The following MYO16 variants were observed in gnomAD, a reference collection of about 807,000 sequenced individuals.
MYO16 encodes the protein unconventional myosin-XVI.
Under a neutral mutation model 205.3 loss-of-function variants are expected in MYO16, and 94 were observed. That is an observed-to-expected ratio of 0.46 (90% CI 0.39 to 0.54). The LOEUF (loss-of-function observed/expected upper bound fraction) is 0.54, where lower values mean the gene tolerates loss of function less well. Ranked by LOEUF, MYO16 falls within the 20% of genes least tolerant of loss-of-function variation. The pLI is 0.00. For missense variants in MYO16, 2,315 were observed against 2,387.5 expected (o/e 0.97, Z 0.63); for synonymous variants, 988 against 954.0 (o/e 1.04, Z -0.66).
At chr13:108,761,498 G>T (rs145774373) in intron 4 of MYO16, among the ~76,000 whole-genome samples, 111 of 152,296 alleles carry the variant, frequency 7.3e-4, no homozygotes, top group African/African-American at 2.5e-3. Context: ...TATGCACAGG[G>T]TTTAATAGGT....
the MYO16 span, among the ~76,000 whole-genome samples, chr13:108,519,909 T>A: frequency 6.6e-6 from 1 of 152,180 alleles, no homozygotes; most frequent in South Asian, 2.1e-4. Context: ...ACTTGAATAC[T>A]GTTCGTGTTT....
At chr13:108,748,367 GAA>G (rs770576996) in intron 4 of MYO16, among the ~76,000 whole-genome samples, 5 of 151,936 alleles carry the variant, frequency 3.3e-5, no homozygotes, top group Admixed American at 6.6e-5. Flanking sequence ...AGCTTAGAGA[GAA>G]ATTTATAGCA....
chr13:109,192,773 A>T (rs550368926), intron 34 of MYO16, among the ~76,000 whole-genome samples: 1 of 152,198 alleles, frequency 6.6e-6, no homozygotes, highest in African/African-American at 2.4e-5. Context: ...TCATCCACTC[A>T]TCAGATTCTG....
At chr13:108,516,442 C>G in the MYO16 span, among the ~76,000 whole-genome samples, 14 of 152,134 alleles carry the variant, frequency 9.2e-5, no homozygotes, top group Non-Finnish European at 1.6e-4. Flanking sequence ...TCTTCTGCGT[C>G]GCTCACGCTG....
intron 4 of MYO16, among the ~76,000 whole-genome samples, chr13:108,754,066 C>CTG (rs1566588036): frequency 2.0e-5 from 3 of 152,154 alleles, no homozygotes; most frequent in African/African-American, 7.2e-5. Flanking sequence ...CAGCACTCAG[C>CTG]TATAGCATGC....
chr13:108,595,957 C>T (rs764190204), upstream of MYO16, among the ~76,000 whole-genome samples: 12 of 148,360 alleles, frequency 8.1e-5, no homozygotes, highest in Non-Finnish European at 1.2e-4. Flanking sequence ...CTCCAGCTCT[C>T]CAGTCATAAA....
At chr13:108,553,912 A>C in the MYO16 span, among the ~76,000 whole-genome samples, 1 of 151,996 alleles carries the variant, frequency 6.6e-6, no homozygotes, top group Non-Finnish European at 1.5e-5. Flanking sequence ...AGAAGAGAAA[A>C]GTGTGTTGGA....
At chr13:109,129,071 CTTT>C (rs372300769) in intron 31 of MYO16, among the ~76,000 whole-genome samples, 1 of 128,216 alleles carries the variant, frequency 7.8e-6, no homozygotes. Context: ...TGCGCCAGGC[CTTT>C]TTTTTTTTTT....
chr13:109,184,795 G>A (rs1879615982), intron 34 of MYO16, among the ~76,000 whole-genome samples: 1 of 151,110 alleles, frequency 6.6e-6, no homozygotes, highest in Admixed American at 6.6e-5. Flanking sequence ...AATGGATGGA[G>A]CCTCACTCTG....
At chr13:108,961,682 T>C in intron 18 of MYO16, 26 bp downstream of exon 18, 1 of 1,551,648 alleles carries the variant, frequency 6.4e-7, no homozygotes. Context: ...CCTTCTGACA[T>C]TAACCACATT....
chr13:109,048,192 T>C (rs914451895), intron 24 of MYO16: 10 of 528,674 alleles, frequency 1.9e-5, no homozygotes, highest in Non-Finnish European at 3.2e-5. Context: ...TGTGTGTGTG[T>C]GTGTGTGTGT....
chr13:108,579,301 A>T, the MYO16 span, among the ~76,000 whole-genome samples: 3 of 152,310 alleles, frequency 2.0e-5, no homozygotes, highest in Non-Finnish European at 4.4e-5. Context: ...ACTAAATGAA[A>T]AGCTGTTAGA....
chr13:109,144,164 A>G (rs548831818), intron 32 of MYO16, among the ~76,000 whole-genome samples: 2 of 151,890 alleles, frequency 1.3e-5, no homozygotes, highest in East Asian at 1.9e-4. Flanking sequence ...ACAAGCGCCC[A>G]CTACCATGCC....
At chr13:108,751,463 G>A (rs566279767) in intron 4 of MYO16, among the ~76,000 whole-genome samples, 9 of 152,006 alleles carry the variant, frequency 5.9e-5, no homozygotes, top group African/African-American at 1.4e-4. Context: ...AAAGAAATGC[G>A]GTAGAATACA....
chr13:108,952,295 G>A (rs571834327), intron 16 of MYO16, among the ~76,000 whole-genome samples: 1 of 152,212 alleles, frequency 6.6e-6, no homozygotes, highest in East Asian at 1.9e-4. Flanking sequence ...AGGAGAGGTG[G>A]AACAGAAAGA....
At chr13:108,616,890 G>A (rs558624592) in intron 1 of MYO16, among the ~76,000 whole-genome samples, 1 of 152,210 alleles carries the variant, frequency 6.6e-6, no homozygotes, top group East Asian at 1.9e-4. Context: ...AAAGTGATCT[G>A]CTTGAAATTT....
At chr13:108,833,760 C>T (rs1340988722) in intron 9 of MYO16, among the ~76,000 whole-genome samples, 1 of 152,112 alleles carries the variant, frequency 6.6e-6, no homozygotes, top group Admixed American at 6.6e-5. Flanking sequence ...GTAAGTCTGG[C>T]ATAAATCCAG....
chr13:108,668,782 T>C (rs1881854364), intron 2 of MYO16, among the ~76,000 whole-genome samples: 1 of 152,170 alleles, frequency 6.6e-6, no homozygotes, highest in African/African-American at 2.4e-5. Context: ...CAGGTTCATC[T>C]CCTGTTCCAG....
the MYO16 span, among the ~76,000 whole-genome samples, chr13:108,589,138 C>T: frequency 6.6e-6 from 1 of 152,198 alleles, no homozygotes; most frequent in South Asian, 2.1e-4. Flanking sequence ...TCTCTGCTTA[C>T]ACTTGTTGTG....
Sources: gnomAD v4.1 joint callset for allele counts (sites outside exome capture counted in the v4.1 genomes callset) on GRCh38, gnomAD v4.1.1 for gene constraint, MANE v1.5 for transcripts, NCBI Gene and HGNC (gene_info 2026-07-23, HGNC 2026-07-21) for gene names.